Variants in HPSE2 observed in about 807,000 individuals in gnomAD.
HPSE2 encodes the protein inactive heparanase-2.
Under a neutral mutation model 60.5 loss-of-function variants are expected in HPSE2, and 38 were observed. The observed-to-expected ratio is 0.63, with a 90% CI of 0.48 to 0.82. The LOEUF is 0.82. Ranked by LOEUF, HPSE2 falls within the 40% of genes least tolerant of loss-of-function variation. The pLI, the probability that HPSE2 is intolerant of heterozygous loss-of-function variation, is 0.00. For missense variants in HPSE2, 713 were observed against 740.4 expected (o/e 0.96, Z 0.43); for synonymous variants, 295 against 293.2 (o/e 1.01, Z -0.06).
chr10:99,001,763 G>T (rs1027097980), intron 3 of HPSE2, among the ~76,000 whole-genome samples: 1 of 151,988 alleles, frequency 6.6e-6, no homozygotes, highest in African/African-American at 2.4e-5. Flanking sequence ...AATGTTATGA[G>T]TAAAAAATAT....
intron 3 of HPSE2, among the ~76,000 whole-genome samples, chr10:99,031,285 T>G (rs1026751136): frequency 3.2e-4 from 48 of 152,082 alleles, no homozygotes. Flanking sequence ...CCCACAAAAT[T>G]TAAAATTAAA....
intron 3 of HPSE2, among the ~76,000 whole-genome samples, chr10:98,926,486 T>G (rs1410593752): frequency 6.6e-6 from 1 of 152,112 alleles, no homozygotes; most frequent in African/African-American, 2.4e-5. Flanking sequence ...AAATAAAGCA[T>G]GAGAAAAAGG....
chr10:98,843,730 T>G (rs1272185958), intron 3 of HPSE2, among the ~76,000 whole-genome samples: 1 of 152,158 alleles, frequency 6.6e-6, no homozygotes, highest in African/African-American at 2.4e-5. Flanking sequence ...AAATCTTCCT[T>G]TCTCTCTAAA....
At chr10:98,600,909 G>GTATATATA (rs1397927513) in intron 9 of HPSE2, among the ~76,000 whole-genome samples, 16 of 88,482 alleles carry the variant, frequency 1.8e-4, no homozygotes, top group African/African-American at 8.5e-4. Flanking sequence ...ATATGTGTGT[G>GTATATATA]TGTATATATA....
chr10:98,685,568 A>G (rs2134147948), intron 6 of HPSE2, among the ~76,000 whole-genome samples: 1 of 152,324 alleles, frequency 6.6e-6, no homozygotes, highest in African/African-American at 2.4e-5. Flanking sequence ...ATGTTGTGGC[A>G]CATATCATTA....
chr10:98,603,094 T>A (rs968493912), intron 9 of HPSE2, among the ~76,000 whole-genome samples: 1 of 152,168 alleles, frequency 6.6e-6, no homozygotes, highest in African/African-American at 2.4e-5. Context: ...CTGAACAGTC[T>A]GAAAAATCAA....
intron 3 of HPSE2, among the ~76,000 whole-genome samples, chr10:98,779,178 T>A (rs113402077): frequency 3.9e-5 from 6 of 152,284 alleles, no homozygotes; most frequent in African/African-American, 1.4e-4. Context: ...GAAAAATTAG[T>A]TTCTTAGTGT....
chr10:98,869,679 C>T (rs1034383392), intron 3 of HPSE2, among the ~76,000 whole-genome samples: 1 of 152,050 alleles, frequency 6.6e-6, no homozygotes, highest in Admixed American at 6.6e-5. Flanking sequence ...GAAAGTAGTG[C>T]CCAGGGAGAA....
At chr10:98,677,209 G>C (rs1251205516) in intron 6 of HPSE2, among the ~76,000 whole-genome samples, 1 of 152,106 alleles carries the variant, frequency 6.6e-6, no homozygotes, top group African/African-American at 2.4e-5. Context: ...CTATTCCCTT[G>C]TCTATTCATA....
At chr10:98,556,442 C>T (rs1019021089) in intron 9 of HPSE2, among the ~76,000 whole-genome samples, 2 of 152,210 alleles carry the variant, frequency 1.3e-5, no homozygotes, top group Non-Finnish European at 2.9e-5. Flanking sequence ...AAAGAATCTA[C>T]AAACTATTAG....
At chr10:99,058,081 A>G (rs1024659077) in intron 3 of HPSE2, among the ~76,000 whole-genome samples, 1 of 152,242 alleles carries the variant, frequency 6.6e-6, no homozygotes, top group African/African-American at 2.4e-5. Flanking sequence ...GAAGCTATCC[A>G]GAAGGCTGCA....
upstream of HPSE2, among the ~76,000 whole-genome samples, chr10:99,238,210 A>G (rs963434152): frequency 6.6e-6 from 1 of 152,220 alleles, no homozygotes; most frequent in Non-Finnish European, 1.5e-5. Context: ...CACTTTTAGA[A>G]GCCATGTTAA....
intron 3 of HPSE2, among the ~76,000 whole-genome samples, chr10:98,936,999 A>AC (rs1293988943): frequency 2.1e-5 from 3 of 141,176 alleles, no homozygotes; most frequent in African/African-American, 8.8e-5. Context: ...AAAAAAAAAA[A>AC]AAAAAACAAG....
chr10:98,544,432 C>T (rs531530731), intron 9 of HPSE2, among the ~76,000 whole-genome samples: 12 of 152,082 alleles, frequency 7.9e-5, no homozygotes, highest in South Asian at 2.1e-4. Flanking sequence ...TAGAGAAGGC[C>T]GGGCGCGGTG....
intron 6 of HPSE2, among the ~76,000 whole-genome samples, chr10:98,651,728 A>C (rs566370764): frequency 6.6e-6 from 1 of 151,932 alleles, no homozygotes; most frequent in African/African-American, 2.4e-5. Flanking sequence ...ATCATTTTGA[A>C]GTCATGTTAA....
intron 11 of HPSE2, among the ~76,000 whole-genome samples, chr10:98,461,221 C>G (rs1940273867): frequency 6.6e-6 from 1 of 152,228 alleles, no homozygotes; most frequent in Non-Finnish European, 1.5e-5. Context: ...GTAAATTGCT[C>G]CCAATGGAGA....
intron 4 of HPSE2, among the ~76,000 whole-genome samples, chr10:98,722,212 C>G (rs1948944955): frequency 6.8e-6 from 1 of 147,762 alleles, no homozygotes; most frequent in Non-Finnish European, 1.5e-5. Flanking sequence ...ATGATAAGGT[C>G]ATACTAGATT....
intron 2 of HPSE2, among the ~76,000 whole-genome samples, chr10:99,177,837 C>A (rs1183021302): frequency 2.0e-5 from 3 of 152,132 alleles, no homozygotes; most frequent in Admixed American, 6.5e-5. Context: ...AGCACCACAT[C>A]GCACTTATTC....
intron 3 of HPSE2, among the ~76,000 whole-genome samples, chr10:99,098,066 A>C (rs1564804138): frequency 1.3e-5 from 2 of 152,190 alleles, no homozygotes; most frequent in Non-Finnish European, 2.9e-5. Flanking sequence ...TTCAATTCTG[A>C]CACAAATATT....
Sources: gnomAD v4.1 joint callset for allele counts (sites outside exome capture counted in the v4.1 genomes callset) on GRCh38, gnomAD v4.1.1 for gene constraint, MANE v1.5 for transcripts, NCBI Gene and HGNC (gene_info 2026-07-23, HGNC 2026-07-21) for gene names.